The following HROB variants were observed in gnomAD, a reference collection of about 807,000 sequenced individuals.
The protein encoded by HROB is homologous recombination OB-fold protein.
HROB carries 44 observed loss-of-function variants against 61.0 expected under a neutral mutation model. That is an observed-to-expected ratio of 0.72 (90% CI 0.57 to 0.93). The LOEUF (loss-of-function observed/expected upper bound fraction) is 0.93, where lower values mean the gene tolerates loss of function less well. HROB is among the 40% of genes least tolerant of loss of function. The probability of loss-of-function intolerance (pLI) is 0.00; values close to 1 mark genes in which losing one functional copy is unlikely to be tolerated. For missense variants in HROB, 716 were observed against 796.2 expected, an observed-to-expected ratio of 0.90 and a Z score of 1.21; for synonymous variants, 301 against 310.4, an observed-to-expected ratio of 0.97 and a Z score of 0.32.
At chr17:44,153,338 C>T (rs765103322) in intron 5 of HROB, among the ~76,000 whole-genome samples, 11 of 151,042 alleles carry the variant, frequency 7.3e-5, no homozygotes, top group Non-Finnish European at 1.2e-4. Context: ...TCTTATAGTC[C>T]CAGCTACTAG....
intron 2 of HROB, among the ~76,000 whole-genome samples, chr17:44,146,854 G>GA (rs2143870551): frequency 1.3e-5 from 2 of 152,216 alleles, no homozygotes; most frequent in South Asian, 4.1e-4. Context: ...CAGCAGTTCT[G>GA]ACTCAAAACC....
intron 4 of HROB, among the ~76,000 whole-genome samples, chr17:44,151,524 G>C (rs1350852856): frequency 6.6e-6 from 1 of 152,120 alleles, no homozygotes; most frequent in East Asian, 1.9e-4. Flanking sequence ...ATTCTCCCCA[G>C]TATTTTTTCT....
At chr17:44,156,164 C>G (rs897063505) in intron 8 of HROB, among the ~76,000 whole-genome samples, 17 of 152,154 alleles carry the variant, frequency 1.1e-4, no homozygotes, top group Non-Finnish European at 2.1e-4. Context: ...CTTCCATTTT[C>G]CTCATCTTTC....
At chr17:44,151,181 C>A in intron 4 of HROB, 137 bp downstream of exon 4, 1 of 929,018 alleles carries the variant, frequency 1.1e-6, no homozygotes, top group Non-Finnish European at 1.7e-6. Context: ...GCATTTGAGG[C>A]AGGTAGTTGG....
intron 9 of HROB, 36 bp from the exon 10 acceptor site, chr17:44,161,835 T>C (rs760586866): frequency 1.9e-6 from 3 of 1,602,290 alleles, no homozygotes; most frequent in Non-Finnish European, 2.6e-6. Context: ...ATGCTGATGT[T>C]GTCACTAAGG....
At chr17:44,149,079 T>A (rs566082137) in intron 3 of HROB, 52 bp downstream of exon 3, 1 of 1,493,112 alleles carries the variant, frequency 6.7e-7, no homozygotes, top group African/African-American at 1.4e-5. Flanking sequence ...GAAGCAGGGT[T>A]CCAGCACTGT....
intron 9 of HROB, 47 bp from the exon 10 acceptor site, chr17:44,161,823 GA>G: frequency 6.3e-7 from 1 of 1,591,416 alleles, no homozygotes; most frequent in South Asian, 1.1e-5. Flanking sequence ...GAGTCACATG[GA>G]ATGCTGATGT....
chr17:44,156,606 C>T (rs1000594691), intron 8 of HROB, among the ~76,000 whole-genome samples: 1 of 151,764 alleles, frequency 6.6e-6, no homozygotes, highest in Non-Finnish European at 1.5e-5. Flanking sequence ...TGGGTCCTAC[C>T]CTTCCCCACT....
chr17:44,157,149 G>C (rs1451996391), intron 8 of HROB, among the ~76,000 whole-genome samples: 1 of 152,034 alleles, frequency 6.6e-6, no homozygotes, highest in East Asian at 1.9e-4. Flanking sequence ...TATTCCTTTG[G>C]GGATTGTTAA....
chr17:44,152,059 A>C (rs753875763), intron 4 of HROB, among the ~76,000 whole-genome samples: 13 of 151,892 alleles, frequency 8.6e-5, no homozygotes, highest in South Asian at 2.1e-4. Context: ...GTTAGCCAGG[A>C]TGGTCTCCAT....
intron 1 of HROB, among the ~76,000 whole-genome samples, chr17:44,142,835 T>C (rs1012441251): frequency 4.6e-5 from 7 of 152,206 alleles, no homozygotes; most frequent in African/African-American, 1.7e-4. Flanking sequence ...TTTGGATTTA[T>C]GGTAGTTTCT....
In HROB at chr17:44,161,902, T is replaced by G; in HGVS notation, c.1911T>G (p.Pro637=). ...DDLDGLLSEL[P]EDFFCGTSS ...TGGATGGACTCCTGAGTGAGCTTCC[T>G]GAAGACTTCTTCTGTGGGACCAGTA... Residue 637 remains proline (P), a synonymous_variant, in exon 10 of 10, where the codon CCT becomes CCG. Transcript: ENST00000585683. The G allele has an allele frequency of 3.7e-6, 6 of 1,614,202 alleles. No homozygotes were observed. Among genetic ancestry groups the G allele is most frequent in the African/African-American group, 1.3e-5 (1 of 75,066 alleles).
chr17:44,152,516 T>C (rs2053844948), intron 4 of HROB, 121 bp from the exon 5 acceptor site: 1 of 1,118,230 alleles, frequency 8.9e-7, no homozygotes, highest in African/African-American at 1.6e-5. Context: ...GTGGCCATTG[T>C]ACTACAGTTT....
intron 1 of HROB, among the ~76,000 whole-genome samples, chr17:44,144,739 GTCTTT>G (rs1567711018): frequency 2.3e-5 from 3 of 131,122 alleles, no homozygotes. Flanking sequence ...GAATACTTGG[GTCTTT>G]TTTTTTTTTT....
intron 3 of HROB, among the ~76,000 whole-genome samples, chr17:44,150,416 G>A (rs892361517): frequency 1.4e-5 from 2 of 147,746 alleles, no homozygotes; most frequent in African/African-American, 5.1e-5. Context: ...TTAAGACAGA[G>A]TCTTGCTCTC....
intron 3 of HROB, 33 bp downstream of exon 3, chr17:44,149,060 CA>C: frequency 6.3e-7 from 1 of 1,580,088 alleles, no homozygotes; most frequent in Non-Finnish European, 8.7e-7. Context: ...ATTTGGTGGG[CA>C]AGGGAGAGAA....
chr17:44,142,190 C>T (rs1367848052), intron 1 of HROB, 45 bp downstream of exon 1: 6 of 1,490,016 alleles, frequency 4.0e-6, no homozygotes, highest in Non-Finnish European at 3.6e-6. Flanking sequence ...GCAGGGCCCC[C>T]TGGCCTCCGG....
At chr17:44,152,001 C>A (rs1181322719) in intron 4 of HROB, among the ~76,000 whole-genome samples, 3 of 152,070 alleles carry the variant, frequency 2.0e-5, no homozygotes, top group Admixed American at 6.6e-5. Flanking sequence ...CGTGTGCCAC[C>A]ATGCCTGGCT....
At position 44,157,913 on chromosome 17, in the gene HROB, G is replaced by A. The variant is rs560901266; in HGVS notation, c.1851G>A (p.Ala617=). 2.5e-5 allele frequency: 40 copies of A among 1,613,324 alleles called. No individual in the cohort carries two copies. In the African/African-American group the frequency reaches 2.8e-4, roughly 11 times the overall value. ...FRTAQNLEAE[A]SPEEELPEAD... ...CAGCACAGAACCTAGAGGCAGAGGC[G>A]TCCCCTGAGGAAGAACTCCCAGAAG... Residue 617 remains alanine, a synonymous_variant, in exon 9 of 10, where the codon GCG becomes GCA. Transcript: ENST00000585683.
Sources: allele counts gnomAD v4.1 joint callset (sites outside exome capture counted in the v4.1 genomes callset), GRCh38; gene constraint gnomAD v4.1.1; transcripts MANE v1.5; gene names NCBI Gene and HGNC (gene_info 2026-07-23, HGNC 2026-07-21).